Variants in NCKAP5 observed in about 807,000 individuals in gnomAD.
NCKAP5 encodes the protein NCK associated protein 5, also known as nck-associated protein 5.
NCKAP5 carries 92 observed loss-of-function variants against 167.0 expected under a neutral mutation model. The observed-to-expected ratio is 0.55, with a 90% CI of 0.47 to 0.66. The LOEUF (loss-of-function observed/expected upper bound fraction) is 0.66. Ranked by LOEUF, NCKAP5 falls within the 30% of genes least tolerant of loss-of-function variation. NCKAP5 has a pLI of 0.00. For missense variants in NCKAP5, 2,378 were observed against 2,315.0 expected, an observed-to-expected ratio of 1.03 and a Z score of -0.56; for synonymous variants, 891 against 877.4, an observed-to-expected ratio of 1.02 and a Z score of -0.27.
chr2:132,908,485 G>C (rs1423673021), intron 8 of NCKAP5, among the ~76,000 whole-genome samples: 1 of 152,134 alleles, frequency 6.6e-6, no homozygotes, highest in African/African-American at 2.4e-5. Flanking sequence ...TTCTTCTATC[G>C]AATATCCTCC....
intron 3 of NCKAP5, among the ~76,000 whole-genome samples, chr2:133,395,305 C>G (rs1687667246): frequency 6.6e-6 from 1 of 152,232 alleles, no homozygotes; most frequent in East Asian, 1.9e-4. Flanking sequence ...ACGGAAACAC[C>G]CTTCAATGAT....
rs1690364981 is a variant in NCKAP5, at chr2:132,725,537, A to T, written c.5713+90T>A. 9.8e-6 allele frequency: 14 copies of T among 1,422,774 alleles called. No individual in the cohort carries two copies. In the East Asian group the frequency reaches 3.5e-4, roughly 36 times the overall value. 88.1% of individuals were successfully genotyped at this position (1,422,774 alleles called of 1,614,324 possible). Reference sequence around the variant, plus strand: ...ACATGAAGAAAAAACATAAAATCAAAGAGGGTGGGGGCCGAGCACAGTGAA... The same window carrying T: ...ACATGAAGAAAAAACATAAAATCAATGAGGGTGGGGGCCGAGCACAGTGAA... On this transcript the variant is annotated intron_variant, in intron 19 of 19. Coordinates refer to ENST00000409261, the MANE Select transcript of NCKAP5 (RefSeq NM_207363.3).
intron 3 of NCKAP5, among the ~76,000 whole-genome samples, chr2:133,470,120 C>T (rs369687227): frequency 9.9e-5 from 15 of 152,204 alleles, no homozygotes; most frequent in African/African-American, 2.6e-4. Context: ...TTCTGTTCTG[C>T]TTTTTCCCCA....
In NCKAP5 at chr2:132,871,846, A is replaced by G. The variant is rs72992841; in HGVS notation, c.649-2872T>C. The stretch of plus-strand genomic sequence containing the variant: ...AGACATGCTTTCCTCCATACTGTCT[A>G]TAACGACAGTGTCCGAGGTTTTGTT... On this transcript the variant is annotated intron_variant, in intron 9 of 19. Coordinates refer to ENST00000409261, the MANE Select transcript of NCKAP5 (RefSeq NM_207363.3). 1.3e-3 allele frequency among the ~76,000 whole-genome samples: 197 copies of G among 152,350 alleles called. 1 individual carries two copies. The highest frequency in any genetic ancestry group is 4.5e-3 in the African/African-American group (189 of 41,582).
At chr2:132,689,952 T>G (rs75770873) in intron 19 of NCKAP5, among the ~76,000 whole-genome samples, 2 of 152,212 alleles carry the variant, frequency 1.3e-5, no homozygotes, top group Non-Finnish European at 2.9e-5. Flanking sequence ...AGATATAGAT[T>G]GATATCTTAG....
intron 19 of NCKAP5, among the ~76,000 whole-genome samples, chr2:132,709,837 T>C (rs1188896134): frequency 2.6e-5 from 4 of 152,158 alleles, no homozygotes; most frequent in Non-Finnish European, 5.9e-5. Context: ...CCATTCATTT[T>C]ATGAGATCAG....
chr2:132,749,418 G>A (rs1015140908), intron 16 of NCKAP5, among the ~76,000 whole-genome samples: 10 of 152,122 alleles, frequency 6.6e-5, no homozygotes, highest in African/African-American at 2.2e-4. Context: ...TGCCCAGGCT[G>A]GTCTCGAACT....
intron 19 of NCKAP5, among the ~76,000 whole-genome samples, chr2:132,683,278 C>A (rs776397187): frequency 2.6e-5 from 4 of 151,004 alleles, no homozygotes; most frequent in Non-Finnish European, 5.9e-5. Flanking sequence ...AAAAAAAATT[C>A]TTCCAATCTC....
At chr2:133,164,912 TC>T (rs2083938409) in intron 5 of NCKAP5, among the ~76,000 whole-genome samples, 1 of 152,316 alleles carries the variant, frequency 6.6e-6, no homozygotes, top group South Asian at 2.1e-4. Context: ...GCACAGGACG[TC>T]TGTATCAACA....
chr2:133,576,207 T>C, the NCKAP5 span, among the ~76,000 whole-genome samples: 1 of 141,020 alleles, frequency 7.1e-6, no homozygotes, highest in African/African-American at 2.5e-5. Context: ...TTCTTTTCTT[T>C]GTTCTTCCCA....
rs1323798098 is a variant in NCKAP5 at position 133,371,593 on chromosome 2, A to C, written c.70-68483T>G. Among the ~76,000 whole-genome samples the C allele has an allele frequency of 8.9e-4, 136 of 152,324 alleles. 1 individual carries two copies. The highest frequency in any genetic ancestry group is 4.4e-5 in the Non-Finnish European group (3 of 68,020). On this transcript the variant is annotated intron_variant, in intron 3 of 19. Coordinates refer to ENST00000409261, the MANE Select transcript of NCKAP5 (RefSeq NM_207363.3). ...CTGGCACAGAGTAAGCACCCTATAA[A>C]TATTTCTTCAACTCTGAATGGAAGA...
intron 3 of NCKAP5, among the ~76,000 whole-genome samples, chr2:133,409,409 C>T (rs1688639444): frequency 6.6e-6 from 1 of 152,170 alleles, no homozygotes; most frequent in Non-Finnish European, 1.5e-5. Context: ...GCAATTAAAA[C>T]TCTTTGTAGC....
Position 132,783,147 on chromosome 2 carries a change from C to A in NCKAP5, c.3664G>T (p.Gly1222Trp). 2 of 1,613,536 alleles carry A rather than the reference C, an allele frequency of 1.2e-6. No homozygotes were observed. The highest frequency in any genetic ancestry group is 1.7e-6 in the Non-Finnish European group (2 of 1,179,716). The part of the protein sequence containing the change: ...DSQAQGSLAD[G>W]LPLETALQEP... ...TGTAGTGCTGTTTCCAGGGGAAGCCCATCAGCTAAACTGCCCTGTGCTTGT... is the reference window on the plus strand; with the variant it reads ...TGTAGTGCTGTTTCCAGGGGAAGCCAATCAGCTAAACTGCCCTGTGCTTGT... Residue 1222 changes from glycine (G) to tryptophan (W), a missense_variant, in exon 14 of 20, where the codon GGG becomes TGG. By Grantham distance (184) the Gly-to-Trp change is radical. This residue lies in a region of NCKAP5 where 1,325 missense variants were observed against 1,274.5 expected (regional missense o/e 1.04). Transcript: ENST00000409261.
chr2:133,570,077 T>C (rs1688807543), upstream of NCKAP5, among the ~76,000 whole-genome samples: 1 of 152,148 alleles, frequency 6.6e-6, no homozygotes, highest in African/African-American at 2.4e-5. Flanking sequence ...GAGGTAACTG[T>C]GAATATACTG....
chr2:132,904,878 G>GAAA (rs1171647504), intron 8 of NCKAP5, among the ~76,000 whole-genome samples: 6 of 152,120 alleles, frequency 3.9e-5, no homozygotes, highest in African/African-American at 1.4e-4. Flanking sequence ...AATGAGGATA[G>GAAA]AAAAAATCTA....
intron 11 of NCKAP5, among the ~76,000 whole-genome samples, chr2:132,840,993 T>C (rs1688259494): frequency 2.0e-5 from 3 of 152,190 alleles, no homozygotes; most frequent in Admixed American, 2.0e-4. Context: ...TCCATCTCTC[T>C]TCTGCAGAAC....
chr2:133,656,099 A>G, the NCKAP5 span, among the ~76,000 whole-genome samples: 1 of 152,210 alleles, frequency 6.6e-6, no homozygotes. Context: ...CATACACCTT[A>G]AAAGAAGAAA....
chr2:132,782,890 C>T lies in NCKAP5; in HGVS notation c.3921G>A (p.Glu1307=), dbSNP rs932346521. The part of the protein sequence containing the change: ...VRTQIITNTA[E]RGNSLTRQNS... Reference sequence around the variant, plus strand: ...TCTGCCGGGTAAGAGAATTGCCTCTCTCGGCGGTATTGGTAATGATCTGAG... The same window carrying T: ...TCTGCCGGGTAAGAGAATTGCCTCTTTCGGCGGTATTGGTAATGATCTGAG... The change falls in exon 14 of 20, where the codon GAG becomes GAA. Residue 1307 remains glutamate (E), a synonymous_variant. Coordinates refer to ENST00000409261, the MANE Select transcript of NCKAP5 (RefSeq NM_207363.3). The T allele has an allele frequency of 3.0e-5, 48 of 1,613,842 alleles. No individual in the cohort carries two copies. Among genetic ancestry groups the T allele is most frequent in the Admixed American group, 1.0e-4 (6 of 60,004 alleles).
intron 3 of NCKAP5, among the ~76,000 whole-genome samples, chr2:133,332,760 C>T (rs1310589316): frequency 1.3e-5 from 2 of 152,178 alleles, no homozygotes; most frequent in African/African-American, 4.8e-5. Flanking sequence ...CTGCTATTTG[C>T]TCTGCTTCTA....
Sources: gnomAD v4.1 joint callset for allele counts (sites outside exome capture counted in the v4.1 genomes callset) on GRCh38, gnomAD v4.1.1 for gene constraint, gnomAD v4.1.1 regional missense constraint, MANE v1.5 for transcripts, NCBI Gene and HGNC (gene_info 2026-07-23, HGNC 2026-07-21) for gene names.